GABRA2: variants seen among roughly 807,000 people sequenced by gnomAD.
The protein encoded by GABRA2 is gamma-aminobutyric acid type A receptor subunit alpha2, also known as gamma-aminobutyric acid receptor subunit alpha-2.
A neutral mutation model predicts 48.7 loss-of-function variants in GABRA2; 16 were observed. The ratio of observed to expected loss-of-function variants is 0.33; its 90% CI spans 0.22 to 0.50. The LOEUF (loss-of-function observed/expected upper bound fraction) is 0.50. Among genes scored for constraint, GABRA2 ranks in the 20% least tolerant of loss-of-function variants. The pLI is 0.98. For synonymous variants in GABRA2, 185 were observed against 184.5 expected, an observed-to-expected ratio of 1.00 and a Z score of -0.02; for missense variants, 275 against 535.6, an observed-to-expected ratio of 0.51 and a Z score of 4.80.
intron 5 of GABRA2, 107 bp downstream of exon 5, chr4:46,312,389 T>C (rs1224374882): frequency 2.8e-6 from 2 of 702,396 alleles, no homozygotes; most frequent in African/African-American, 3.7e-5. Context: ...AATAATCTGT[T>C]AGAAAACACT....
chr4:46,386,238 C>G (rs1040434314), intron 2 of GABRA2, 49 bp from the exon 3 acceptor site: 4 of 1,065,888 alleles, frequency 3.8e-6, no homozygotes, highest in Non-Finnish European at 5.6e-6. Flanking sequence ...GTGTGTTTTG[C>G]AAATGCCAAC....
chr4:46,355,025 CT>C (rs1447743534), intron 3 of GABRA2, among the ~76,000 whole-genome samples: 1 of 152,100 alleles, frequency 6.6e-6, no homozygotes, highest in African/African-American at 2.4e-5. Context: ...CAGCCATGAA[CT>C]GAGTAGACTC....
At position 46,332,077 on chromosome 4, in the gene GABRA2, C is replaced by A. The variant is rs1731455435; in HGVS notation, c.255+538G>T. The stretch of plus-strand genomic sequence containing the variant: ...ACCAGTTCCATAGAATCCAAGAGTA[C>A]CAACATTCTAATTTTTTTAGGTTGA... On this transcript the variant is annotated intron_variant, in intron 4 of 9. Coordinates refer to ENST00000381620, the MANE Select transcript of GABRA2 (RefSeq NM_000807.4). Among the ~76,000 whole-genome samples, 3 of 152,040 alleles carry A rather than the reference C, an allele frequency of 2.0e-5. No homozygotes were observed. In the South Asian group the frequency reaches 6.2e-4, roughly 32 times the overall value.
intron 3 of GABRA2, among the ~76,000 whole-genome samples, chr4:46,378,726 C>A (rs1716333204): frequency 6.6e-6 from 1 of 151,702 alleles, no homozygotes; most frequent in Non-Finnish European, 1.5e-5. Flanking sequence ...ACTCAGGGGA[C>A]TGAGGTGGGA....
At chr4:46,284,730 C>T (rs900703097) in intron 8 of GABRA2, among the ~76,000 whole-genome samples, 5 of 151,930 alleles carry the variant, frequency 3.3e-5, no homozygotes, top group Admixed American at 6.6e-5. Flanking sequence ...AGCATGAACG[C>T]CATAAAGACC....
At chr4:46,324,259 A>G (rs1729946198) in intron 4 of GABRA2, among the ~76,000 whole-genome samples, 1 of 152,004 alleles carries the variant, frequency 6.6e-6, no homozygotes, top group Non-Finnish European at 1.5e-5. Context: ...GCTCTCTTGT[A>G]CTGGTATTCT....
intron 4 of GABRA2, among the ~76,000 whole-genome samples, chr4:46,326,433 G>A (rs775271889): frequency 1.3e-5 from 2 of 151,164 alleles, no homozygotes; most frequent in Non-Finnish European, 2.9e-5. Flanking sequence ...GCAGAGGGCT[G>A]TAGCACAGAT....
chr4:46,337,069 C>T (rs1394187154), intron 3 of GABRA2, among the ~76,000 whole-genome samples: 3 of 151,960 alleles, frequency 2.0e-5, no homozygotes, highest in Admixed American at 2.0e-4. Flanking sequence ...TTACGATTCA[C>T]TTAAAATAGA....
At chr4:46,301,700 A>C (rs747430409) in intron 8 of GABRA2, among the ~76,000 whole-genome samples, 2 of 152,198 alleles carry the variant, frequency 1.3e-5, no homozygotes, top group Non-Finnish European at 2.9e-5. Context: ...GGAAGGATCC[A>C]TGCTGTTGTT....
intron 3 of GABRA2, among the ~76,000 whole-genome samples, chr4:46,378,827 CA>C (rs113954847): frequency 0.26 from 36,089 of 138,022 alleles, 4,519 homozygotes; most frequent in Middle Eastern, 0.32. Flanking sequence ...GATTCTGCCT[CA>C]AAAAAAAAAA....
At chr4:46,271,190 G>A (rs1719264499) in intron 8 of GABRA2, among the ~76,000 whole-genome samples, 1 of 151,950 alleles carries the variant, frequency 6.6e-6, no homozygotes. Flanking sequence ...ATGTAAAATT[G>A]TTTGATACCA....
chr4:46,367,197 T>A (rs191379397), intron 3 of GABRA2: 1 of 152,144 alleles, frequency 6.6e-6, no homozygotes, highest in African/African-American at 2.4e-5. Flanking sequence ...TTGTTAGCAA[T>A]GTCAGAAGTC....
chr4:46,383,247 C>T (rs1717002613), intron 3 of GABRA2, among the ~76,000 whole-genome samples: 1 of 152,122 alleles, frequency 6.6e-6, no homozygotes, highest in Admixed American at 6.6e-5. Flanking sequence ...TCCTGTTTCA[C>T]AGATGACAAA....
intron 3 of GABRA2, among the ~76,000 whole-genome samples, chr4:46,357,053 A>G (rs1050547633): frequency 1.3e-5 from 2 of 151,814 alleles, no homozygotes; most frequent in African/African-American, 4.8e-5. Context: ...TAAGCACACA[A>G]GTTTGGACAC....
chr4:46,268,247 G>A (rs1466936107), intron 8 of GABRA2, among the ~76,000 whole-genome samples: 1 of 151,886 alleles, frequency 6.6e-6, no homozygotes, highest in Non-Finnish European at 1.5e-5. Context: ...AAAATTAACA[G>A]AGTGATAAAA....
At chr4:46,278,247 T>A (rs74773697) in intron 8 of GABRA2, among the ~76,000 whole-genome samples, 2,414 of 152,230 alleles carry the variant, frequency 0.016, 67 homozygotes, top group African/African-American at 0.055. Context: ...TTTGTTGAAT[T>A]AAAAAAACAA....
At chr4:46,348,570 A>T (rs1734565230) in intron 3 of GABRA2, among the ~76,000 whole-genome samples, 1 of 152,036 alleles carries the variant, frequency 6.6e-6, no homozygotes, top group South Asian at 2.1e-4. Context: ...TGTGGCACAT[A>T]TACACCATGG....
At chr4:46,387,719 G>A (rs1217071467) in intron 2 of GABRA2, among the ~76,000 whole-genome samples, 1 of 152,174 alleles carries the variant, frequency 6.6e-6, no homozygotes, top group East Asian at 1.9e-4. Flanking sequence ...GAGATAGATG[G>A]CGTCTCAATT....
chr4:46,264,072 T>C (rs909058070), intron 8 of GABRA2, among the ~76,000 whole-genome samples: 1 of 152,080 alleles, frequency 6.6e-6, no homozygotes, highest in African/African-American at 2.4e-5. Context: ...AGATATTGTA[T>C]GTGTTTGGAT....
Sources: allele counts gnomAD v4.1 joint callset (sites outside exome capture counted in the v4.1 genomes callset), GRCh38; gene constraint gnomAD v4.1.1; transcripts MANE v1.5; gene names NCBI Gene and HGNC (gene_info 2026-07-23, HGNC 2026-07-21).